SDCCAG8: variants seen among roughly 807,000 people sequenced by gnomAD.
SDCCAG8 encodes serologically defined colon cancer antigen 8.
Under a neutral mutation model 101.8 loss-of-function variants are expected in SDCCAG8, and 74 were observed. The observed-to-expected ratio is 0.73, with a 90% CI of 0.60 to 0.88. The LOEUF is 0.88. Among genes scored for constraint, SDCCAG8 ranks in the 40% least tolerant of loss-of-function variants. SDCCAG8 has a pLI of 0.00. For synonymous variants in SDCCAG8, 281 were observed against 292.9 expected, an observed-to-expected ratio of 0.96 and a Z score of 0.41; for missense variants, 787 against 822.6, an observed-to-expected ratio of 0.96 and a Z score of 0.53.
chr1:243,433,797 A>G (rs757261291), intron 16 of SDCCAG8, among the ~76,000 whole-genome samples: 1 of 152,244 alleles, frequency 6.6e-6, no homozygotes, highest in Non-Finnish European at 1.5e-5. Context: ...CACCCCGAGT[A>G]TAGGTGTTTT....
chr1:243,281,032 C>T (rs2068987922), intron 4 of SDCCAG8, among the ~76,000 whole-genome samples: 1 of 152,056 alleles, frequency 6.6e-6, no homozygotes, highest in African/African-American at 2.4e-5. Context: ...TTTTCCTTTG[C>T]CTCATACATT....
chr1:243,429,041 G>A (rs888891816), intron 16 of SDCCAG8, among the ~76,000 whole-genome samples: 4 of 152,128 alleles, frequency 2.6e-5, no homozygotes, highest in East Asian at 1.9e-4. Flanking sequence ...GGACCCATAC[G>A]AAGTGCCACT....
chr1:243,394,392 C>G (rs191216278), intron 13 of SDCCAG8, among the ~76,000 whole-genome samples: 117 of 152,290 alleles, frequency 7.7e-4, no homozygotes, highest in African/African-American at 2.7e-3. Flanking sequence ...AACAGAATCT[C>G]GCAAATTCAT....
intron 13 of SDCCAG8, among the ~76,000 whole-genome samples, chr1:243,382,399 T>C (rs2078012354): frequency 6.6e-6 from 1 of 152,114 alleles, no homozygotes; most frequent in South Asian, 2.1e-4. Flanking sequence ...CTAAGAATGG[T>C]TTTTATATTT....
intron 16 of SDCCAG8, among the ~76,000 whole-genome samples, chr1:243,463,879 A>G (rs1659618752): frequency 6.6e-6 from 1 of 151,330 alleles, no homozygotes; most frequent in South Asian, 2.1e-4. Flanking sequence ...TAAATCATGA[A>G]ATCTCTTGGA....
At position 243,428,158 on chromosome 1, in the gene SDCCAG8, C is replaced by G. The variant is rs538734371; in HGVS notation, c.1985+1600C>G. On this transcript the variant is annotated intron_variant, in intron 16 of 17. Transcript: ENST00000366541. ...ACATAGTACCTTATGTACCTTGAAG[C>G]AACCTTGAAAGTAGCTGCATTTATC... Among the ~76,000 whole-genome samples the G allele has an allele frequency of 4.6e-5, 7 of 152,306 alleles. No individual in the cohort carries two copies. The East Asian group carries it at 1.2e-3, about 25-fold the overall frequency.
In SDCCAG8 at chr1:243,303,394, G is replaced by T. The variant is rs142127897; in HGVS notation, c.676-1319G>T. Among the ~76,000 whole-genome samples, 886 of 151,764 alleles carry T rather than the reference G, an allele frequency of 5.8e-3. 10 individuals are homozygous for T. Among genetic ancestry groups the T allele is most frequent in the African/African-American group, 0.021 (848 of 41,066 alleles). On this transcript the variant is annotated intron_variant, in intron 6 of 17. Coordinates refer to ENST00000366541, the MANE Select transcript of SDCCAG8 (RefSeq NM_006642.5). ...TTAAAGAGCATAACAAAGTGAGACAGAAATTACCACGTGTTTCCATAAAGT... is the reference window on the plus strand; with the variant it reads ...TTAAAGAGCATAACAAAGTGAGACATAAATTACCACGTGTTTCCATAAAGT...
At chr1:243,450,951 A>G (rs1046573907) in intron 16 of SDCCAG8, among the ~76,000 whole-genome samples, 2 of 152,242 alleles carry the variant, frequency 1.3e-5, no homozygotes, top group African/African-American at 4.8e-5. Context: ...TAGGATTAAT[A>G]TAGCATTTAA....
chr1:243,400,502 T>C (rs2079311247), intron 13 of SDCCAG8, among the ~76,000 whole-genome samples: 1 of 152,132 alleles, frequency 6.6e-6, no homozygotes, highest in Non-Finnish European at 1.5e-5. Flanking sequence ...GTTGGTAACT[T>C]TCAATTTTCA....
chr1:243,283,401 T>TTA (rs58028915), intron 4 of SDCCAG8, among the ~76,000 whole-genome samples: 156 of 146,824 alleles, frequency 1.1e-3, no homozygotes, highest in African/African-American at 3.3e-3. Context: ...CCCTGTTTAT[T>TTA]TATATATATA....
chr1:243,478,901 T>A (rs1427711353), intron 16 of SDCCAG8, among the ~76,000 whole-genome samples: 5 of 134,426 alleles, frequency 3.7e-5, no homozygotes. Context: ...GAGGTTGCAG[T>A]GGGCCGAGGT....
chr1:243,423,711 A>C (rs1249870660), intron 15 of SDCCAG8, among the ~76,000 whole-genome samples: 1 of 152,156 alleles, frequency 6.6e-6, no homozygotes, highest in Admixed American at 6.5e-5. Flanking sequence ...ATGTAGCCAT[A>C]TTAGTAAATA....
chr1:243,496,544 A>G (rs1302247365), intron 17 of SDCCAG8, among the ~76,000 whole-genome samples: 1 of 152,098 alleles, frequency 6.6e-6, no homozygotes, highest in African/African-American at 2.4e-5. Flanking sequence ...CAGAGCGGAC[A>G]GCAGGGGGGG....
At chr1:243,306,735 A>C (rs771815544) in intron 7 of SDCCAG8, among the ~76,000 whole-genome samples, 10 of 152,052 alleles carry the variant, frequency 6.6e-5, no homozygotes, top group African/African-American at 9.7e-5. Flanking sequence ...AAAACTTATC[A>C]TCTTGGTGTT....
At chr1:243,432,866 A>T (rs887931816) in intron 16 of SDCCAG8, among the ~76,000 whole-genome samples, 27 of 152,314 alleles carry the variant, frequency 1.8e-4, no homozygotes, top group African/African-American at 6.0e-4. Flanking sequence ...GCTTTTACTT[A>T]AAAAGTTCCT....
intron 13 of SDCCAG8, among the ~76,000 whole-genome samples, chr1:243,403,121 C>T (rs1307775978): frequency 6.6e-6 from 1 of 152,148 alleles, no homozygotes; most frequent in Non-Finnish European, 1.5e-5. Context: ...TGGACGTTGC[C>T]GGTTGCCTCA....
chr1:243,321,872 C>T (rs1427903685), intron 9 of SDCCAG8, among the ~76,000 whole-genome samples: 1 of 152,216 alleles, frequency 6.6e-6, no homozygotes, highest in African/African-American at 2.4e-5. Context: ...TGGTATTGAA[C>T]TCCTGACCTC....
chr1:243,330,923 C>A (rs964704587), intron 10 of SDCCAG8, among the ~76,000 whole-genome samples: 7 of 152,148 alleles, frequency 4.6e-5, no homozygotes, highest in African/African-American at 1.7e-4. Context: ...AGATTCCATA[C>A]AATGAAATTA....
At chr1:243,340,942 C>A in intron 10 of SDCCAG8, 97 bp from the exon 11 acceptor site, 1 of 1,244,028 alleles carries the variant, frequency 8.0e-7, no homozygotes, top group Non-Finnish European at 1.2e-6. Context: ...GCTCACAGAG[C>A]CCAGTGACTA....
Sources: gnomAD v4.1 joint callset for allele counts (sites outside exome capture counted in the v4.1 genomes callset) on GRCh38, gnomAD v4.1.1 for gene constraint, MANE v1.5 for transcripts, NCBI Gene and HGNC (gene_info 2026-07-23, HGNC 2026-07-21) for gene names.